LMTK2: variants seen among roughly 807,000 people sequenced by gnomAD.
LMTK2 encodes serine/threonine-protein kinase LMTK2.
Under a neutral mutation model 127.5 loss-of-function variants are expected in LMTK2, and 37 were observed. The ratio of observed to expected loss-of-function variants is 0.29; its 90% CI spans 0.22 to 0.38. The LOEUF (loss-of-function observed/expected upper bound fraction) is 0.38. Among genes scored for constraint, LMTK2 ranks in the 10% least tolerant of loss-of-function variants. LMTK2 has a pLI of 1.00. For missense variants in LMTK2, 1,694 were observed against 1,920.3 expected (o/e 0.88, Z 2.20); for synonymous variants, 819 against 810.1 (o/e 1.01, Z -0.19).
intron 1 of LMTK2, among the ~76,000 whole-genome samples, chr7:98,115,317 G>A (rs1212139718): frequency 1.3e-5 from 2 of 152,104 alleles, no homozygotes; most frequent in Non-Finnish European, 2.9e-5. Flanking sequence ...TCAGGAGGCT[G>A]AGGCAGGAGA....
intron 7 of LMTK2, among the ~76,000 whole-genome samples, chr7:98,180,939 G>A (rs1161054754): frequency 6.6e-6 from 1 of 152,168 alleles, no homozygotes; most frequent in African/African-American, 2.4e-5. Flanking sequence ...GGCAGACTGA[G>A]GGAGAGAGAG....
In LMTK2 at chr7:98,190,795, T is replaced by C; in HGVS notation, c.1066T>C (p.Leu356=). ...AAQPYSNLSN[L]DVLNQVIRER... ...ACAGCCGTATTCAAACCTTTCCAAC[T>C]TAGATGTCCTCAACCAAGTCATTAG... is the stretch of plus-strand genomic sequence containing the variant. Residue 356 remains leucine, a synonymous_variant, in exon 10 of 14, where the codon TTA becomes CTA. Transcript: ENST00000297293. The C allele has an allele frequency of 6.2e-7, 1 of 1,614,110 alleles. No homozygotes were observed. The highest frequency in any genetic ancestry group is 1.1e-5 in the South Asian group (1 of 91,086).
At position 98,186,557 on chromosome 7, in the gene LMTK2, C is replaced by T. The variant is rs150833431; in HGVS notation, c.877-320C>T. ...CTCCCTAACTGGCTTCACTGTTCAG[C>T]GCATAAGTCCCAGTATATATTGTTT... On this transcript the variant is annotated intron_variant, in intron 8 of 13. Transcript: ENST00000297293. Among the ~76,000 whole-genome samples, 910 of 152,260 alleles carry T rather than the reference C, an allele frequency of 6.0e-3. 3 individuals carry two copies. Among genetic ancestry groups the T allele is most frequent in the Non-Finnish European group, 9.5e-3 (645 of 68,020 alleles).
chr7:98,186,735 A>G, intron 8 of LMTK2, 142 bp from the exon 9 acceptor site: 1 of 681,498 alleles, frequency 1.5e-6, no homozygotes, highest in Non-Finnish European at 2.4e-6. Flanking sequence ...CTGCCCAGAA[A>G]GTCACTCTTC....
intron 5 of LMTK2, among the ~76,000 whole-genome samples, chr7:98,157,439 G>A (rs184468349): frequency 9.2e-5 from 14 of 152,118 alleles, no homozygotes; most frequent in South Asian, 4.2e-4. Flanking sequence ...AAAATTAACC[G>A]TCACATCATA....
chr7:98,163,805 CA>C (rs1168159551), intron 6 of LMTK2, among the ~76,000 whole-genome samples: 2 of 152,124 alleles, frequency 1.3e-5, no homozygotes, highest in Non-Finnish European at 2.9e-5. Context: ...GGGCATAACC[CA>C]AGGCAGGACC....
Position 98,151,402 on chromosome 7 carries a change from G to C in LMTK2, c.397G>C (p.Ala133Pro). Residue 133 changes from alanine (A) to proline (P), a missense_variant, in exon 4 of 14, where the codon GCC becomes CCC. Transcript: ENST00000297293. ...PSVEGLKSQV[A>P]RHSLNYIQEI... ...TACAGAGGGATTGAAGTCTCAAGTT[G>C]CCCGCCACAGTCTAAACTACATACA... is the stretch of plus-strand genomic sequence containing the variant. 6.2e-7 allele frequency: 1 copy of C among 1,613,024 alleles called. No homozygotes were observed. Among genetic ancestry groups the C allele is most frequent in the Non-Finnish European group, 8.5e-7 (1 of 1,179,298 alleles).
intron 5 of LMTK2, among the ~76,000 whole-genome samples, chr7:98,157,303 TATAG>T (rs1202484045): frequency 7.4e-5 from 11 of 149,012 alleles, no homozygotes; most frequent in South Asian, 2.2e-4. Flanking sequence ...GTAGGTAGAT[TATAG>T]ATAGATAGAT....
Position 98,193,039 on chromosome 7 carries a change from C to T in LMTK2, c.2574C>T (p.Ile858=). Residue 858 remains isoleucine (I), a synonymous_variant, in exon 11 of 14, where the codon ATC becomes ATT. Transcript: ENST00000297293. The surrounding 1 kb of genome is among the most constrained non-coding windows in gnomAD (Gnocchi z 4.1). ...CGGAGGACTGTCTCCACCAGGACATCAGTCCAGACGCTGTGACTGTCCCGG... is the reference window on the plus strand; with the variant it reads ...CGGAGGACTGTCTCCACCAGGACATTAGTCCAGACGCTGTGACTGTCCCGG... The part of the protein sequence containing the change: ...IVPEDCLHQD[I]SPDAVTVPVE... 6.2e-7 allele frequency: 1 copy of T among 1,614,004 alleles called. No homozygotes were observed. The highest frequency in any genetic ancestry group is 8.5e-7 in the Non-Finnish European group (1 of 1,180,010).
At chr7:98,189,489 G>GT (rs1562919348) in intron 9 of LMTK2, among the ~76,000 whole-genome samples, 1 of 152,070 alleles carries the variant, frequency 6.6e-6, no homozygotes, top group Non-Finnish European at 1.5e-5. Flanking sequence ...TTTTTAAAAC[G>GT]TGAGTTTTCT....
At chr7:98,129,381 G>GTTTTA (rs1400037599) in intron 1 of LMTK2, among the ~76,000 whole-genome samples, 3 of 151,538 alleles carry the variant, frequency 2.0e-5, no homozygotes, top group Non-Finnish European at 2.9e-5. Flanking sequence ...GTTTTGTTTT[G>GTTTTA]TTTTGTTTTG....
intron 5 of LMTK2, among the ~76,000 whole-genome samples, chr7:98,157,290 TA>T (rs1796940149): frequency 6.7e-6 from 1 of 150,140 alleles, no homozygotes; most frequent in South Asian, 2.1e-4. Context: ...GGTAGGTAGG[TA>T]GGTAGGTAGA....
chr7:98,122,718 GTGTGTGTGTATATATA>G (rs1562896886), intron 1 of LMTK2, among the ~76,000 whole-genome samples: 1 of 40,950 alleles, frequency 2.4e-5, no homozygotes, highest in Non-Finnish European at 5.7e-5. Flanking sequence ...GTGTGTGTGT[GTGTGTGTGTATATATA>G]TAACTGGATC....
chr7:98,151,152 GA>G (rs1246430489), intron 3 of LMTK2, among the ~76,000 whole-genome samples: 1 of 151,466 alleles, frequency 6.6e-6, no homozygotes, highest in Non-Finnish European at 1.5e-5. Flanking sequence ...AGCTGGATCG[GA>G]AAAAAAACAA....
chr7:98,137,486 G>C (rs367976054), intron 2 of LMTK2, 44 bp downstream of exon 2: 11 of 1,578,228 alleles, frequency 7.0e-6, no homozygotes, highest in Non-Finnish European at 9.5e-6. Flanking sequence ...CTTCCAATAT[G>C]TTTTTCAATA....
intron 6 of LMTK2, among the ~76,000 whole-genome samples, chr7:98,159,630 T>C (rs993259405): frequency 3.3e-5 from 5 of 152,216 alleles, no homozygotes; most frequent in African/African-American, 9.6e-5. Context: ...GCAGTCCCTG[T>C]GCTAAGCTAT....
chr7:98,141,644 G>C, intron 3 of LMTK2, 103 bp downstream of exon 3: 1 of 1,124,988 alleles, frequency 8.9e-7, no homozygotes, highest in Non-Finnish European at 1.3e-6. Context: ...CTCCTCTTTG[G>C]TTTATTTCTC....
At chr7:98,202,819 CTCCCTCTTCTGTGATG>C (rs972970120) in intron 11 of LMTK2, among the ~76,000 whole-genome samples, 25 of 152,328 alleles carry the variant, frequency 1.6e-4, no homozygotes, top group African/African-American at 6.0e-4. Context: ...TTTTGAGCTC[CTCCCTCTTCTGTGATG>C]TCCCTGATAC....
At chr7:98,154,900 C>T (rs775054163) in intron 5 of LMTK2, 24 bp downstream of exon 5, 1 of 1,313,256 alleles carries the variant, frequency 7.6e-7, no homozygotes, top group Non-Finnish European at 1.1e-6. Flanking sequence ...GTCATGTGTT[C>T]TGTAAGACTA....
Sources: gnomAD v4.1 joint callset for allele counts (sites outside exome capture counted in the v4.1 genomes callset) on GRCh38, gnomAD v4.1.1 for gene constraint, Gnocchi (gnomAD v3.1) non-coding constraint, MANE v1.5 for transcripts, NCBI Gene and HGNC (gene_info 2026-07-23, HGNC 2026-07-21) for gene names.